The following BICD1 variants were observed in gnomAD, a reference collection of about 807,000 sequenced individuals.
The protein encoded by BICD1 is BICD cargo adaptor 1.
BICD1 carries 35 observed loss-of-function variants against 92.5 expected under a neutral mutation model. That is an observed-to-expected ratio of 0.38 (90% confidence interval 0.29 to 0.50). The LOEUF (loss-of-function observed/expected upper bound fraction) is 0.50. Ranked by LOEUF, BICD1 falls within the 20% of genes least tolerant of loss-of-function variation. The pLI is 0.93. For missense variants in BICD1, 950 were observed against 1,189.8 expected (o/e 0.80, Z 2.97); for synonymous variants, 429 against 465.1 (o/e 0.92, Z 1.00).
At position 32,225,631 on chromosome 12, in the gene BICD1, T is replaced by TTTTTTTGTTTG. The variant is rs1945663713; in HGVS notation, c.426+9178_426+9179insGTTTGTTTTTT. 4.3e-5 allele frequency among the ~76,000 whole-genome samples: 6 copies of TTTTTTTGTTTG among 139,388 alleles called. No homozygotes were observed. The Admixed American group carries it at 4.6e-4, about 11-fold the overall frequency. The allele number at this position is 139,388 out of a possible 152,430, so 91.4% of individuals were successfully genotyped here. ...CAGTTCTTTTTTTCTGTTTTTTTTT[T>TTTTTTTGTTTG]TTTTTTTTTTAGACGGAGTTTTGCT... On this transcript the variant is annotated intron_variant, in intron 2 of 9. Coordinates refer to ENST00000652176, the MANE Select transcript of BICD1 (RefSeq NM_001714.4).
chr12:32,238,669 G>A (rs1946142619), intron 2 of BICD1, among the ~76,000 whole-genome samples: 1 of 152,220 alleles, frequency 6.6e-6, no homozygotes, highest in South Asian at 2.1e-4. Flanking sequence ...TGTCAGCCGG[G>A]TGTGGTGGCT....
intron 1 of BICD1, among the ~76,000 whole-genome samples, chr12:32,146,233 A>G (rs61978574): frequency 7.2e-4 from 109 of 152,364 alleles, no homozygotes; most frequent in African/African-American, 2.3e-3. Flanking sequence ...AATTACTGTC[A>G]CATGGTCACT....
chr12:32,207,264 G>A (rs1188087944), intron 1 of BICD1, among the ~76,000 whole-genome samples: 2 of 151,914 alleles, frequency 1.3e-5, no homozygotes, highest in African/African-American at 4.8e-5. Flanking sequence ...CAGTTGACAA[G>A]GGAGTTTATT....
At chr12:32,326,697 C>A (rs1246968927) in intron 4 of BICD1, among the ~76,000 whole-genome samples, 14 of 152,112 alleles carry the variant, frequency 9.2e-5, no homozygotes, top group Non-Finnish European at 2.1e-4. Context: ...CCAGCCTGGA[C>A]AACATAGCAA....
At chr12:32,357,971 C>A (rs1357593309) in intron 8 of BICD1, among the ~76,000 whole-genome samples, 2 of 152,156 alleles carry the variant, frequency 1.3e-5, no homozygotes, top group African/African-American at 4.8e-5. Context: ...GGTGGACAGT[C>A]AGAAACCTGG....
intron 4 of BICD1, among the ~76,000 whole-genome samples, chr12:32,325,849 G>A (rs1489330533): frequency 1.3e-5 from 2 of 151,910 alleles, no homozygotes; most frequent in South Asian, 2.1e-4. Flanking sequence ...TTGGGAGGCC[G>A]AGGTGGGCGG....
At chr12:32,293,290 C>T (rs1043079887) in intron 2 of BICD1, among the ~76,000 whole-genome samples, 1 of 152,038 alleles carries the variant, frequency 6.6e-6, no homozygotes, top group South Asian at 2.1e-4. Flanking sequence ...ACTACATTTC[C>T]ATTTTAGTAC....
chr12:32,332,406 T>G (rs904116866), intron 5 of BICD1: 1 of 977,568 alleles, frequency 1.0e-6, no homozygotes, highest in Non-Finnish European at 1.2e-6. Flanking sequence ...AAATAGGCAT[T>G]CTGTAGTCTC....
In BICD1 at chr12:32,270,012, C is replaced by T. The variant is rs139082148; in HGVS notation, c.427-23982C>T. Reference sequence around the variant, plus strand: ...TGGCACGTACCTATAGTCCCAGCTACTCGGGAGGCCGAGGCAGGAGAATTG... The same window carrying T: ...TGGCACGTACCTATAGTCCCAGCTATTCGGGAGGCCGAGGCAGGAGAATTG... On this transcript the variant is annotated intron_variant, in intron 2 of 9. Coordinates refer to ENST00000652176, the MANE Select transcript of BICD1 (RefSeq NM_001714.4). 9.1e-3 allele frequency among the ~76,000 whole-genome samples: 1,374 copies of T among 151,620 alleles called. 24 individuals carry two copies. The highest frequency in any genetic ancestry group is 0.031 in the African/African-American group (1,299 of 41,258).
chr12:32,111,498 A>C (rs1301265865), intron 1 of BICD1, among the ~76,000 whole-genome samples: 1 of 152,112 alleles, frequency 6.6e-6, no homozygotes, highest in Non-Finnish European at 1.5e-5. Flanking sequence ...GGCAAGAAAA[A>C]CCCCAGATTT....
chr12:32,153,699 T>C (rs140854547), intron 1 of BICD1, among the ~76,000 whole-genome samples: 1 of 152,106 alleles, frequency 6.6e-6, no homozygotes, highest in East Asian at 1.9e-4. Flanking sequence ...GAGGTTGCAG[T>C]GAGCCAAGAT....
intron 1 of BICD1, among the ~76,000 whole-genome samples, chr12:32,116,551 ACT>A (rs141853865): frequency 0.015 from 1,970 of 134,208 alleles, 50 homozygotes; most frequent in African/African-American, 0.051. Flanking sequence ...ATGGAGTCTC[ACT>A]CTGTCGCTCT....
chr12:32,377,484 T>C (rs1033744072), intron 9 of BICD1, 56 bp from the exon 10 acceptor site: 15 of 1,393,256 alleles, frequency 1.1e-5, no homozygotes, highest in African/African-American at 1.4e-5. Flanking sequence ...CCCCTACCAT[T>C]GTGCCTGGCC....
intron 1 of BICD1, among the ~76,000 whole-genome samples, chr12:32,177,368 T>C (rs1007242887): frequency 6.6e-6 from 1 of 151,248 alleles, no homozygotes; most frequent in African/African-American, 2.4e-5. Flanking sequence ...ATTTTCTAAA[T>C]TATTATACAA....
At chr12:32,242,761 C>T (rs1254146467) in intron 2 of BICD1, among the ~76,000 whole-genome samples, 1 of 152,160 alleles carries the variant, frequency 6.6e-6, no homozygotes, top group Non-Finnish European at 1.5e-5. Context: ...TTTAAATCTA[C>T]TGATCGTTTC....
At chr12:32,299,399 G>T (rs527698131) in intron 3 of BICD1, among the ~76,000 whole-genome samples, 1 of 152,112 alleles carries the variant, frequency 6.6e-6, no homozygotes, top group Non-Finnish European at 1.5e-5. Flanking sequence ...TTGCCTCAGT[G>T]GGCACCAAAG....
intron 1 of BICD1, among the ~76,000 whole-genome samples, chr12:32,207,953 C>T (rs1239883309): frequency 1.3e-5 from 2 of 152,222 alleles, no homozygotes; most frequent in Non-Finnish European, 2.9e-5. Context: ...AAAACCTTTA[C>T]ACCAGAGGAA....
At chr12:32,236,349 CAT>C (rs1946073178) in intron 2 of BICD1, among the ~76,000 whole-genome samples, 1 of 151,946 alleles carries the variant, frequency 6.6e-6, no homozygotes, top group Non-Finnish European at 1.5e-5. Flanking sequence ...GAGCCAAGAT[CAT>C]GCCACTGCAC....
chr12:32,287,703 C>T (rs1015706920), intron 2 of BICD1, among the ~76,000 whole-genome samples: 5 of 152,012 alleles, frequency 3.3e-5, no homozygotes, highest in African/African-American at 9.7e-5. Context: ...CACCTGGTTA[C>T]TTTTTTATAT....
Sources: allele counts gnomAD v4.1 joint callset (sites outside exome capture counted in the v4.1 genomes callset), GRCh38; gene constraint gnomAD v4.1.1; transcripts MANE v1.5; gene names NCBI Gene and HGNC (gene_info 2026-07-23, HGNC 2026-07-21).